Variants in MUC5B observed in about 807,000 individuals in gnomAD.
MUC5B encodes the protein mucin 5B, oligomeric mucus/gel-forming.
Under a neutral mutation model 376.9 loss-of-function variants are expected in MUC5B, and 116 were observed. The observed-to-expected ratio is 0.31, with a 90% CI of 0.26 to 0.36. The LOEUF is 0.36. MUC5B is among the 10% of genes least tolerant of loss of function. The probability of loss-of-function intolerance (pLI) is 1.00; values close to 1 mark genes in which losing one functional copy is unlikely to be tolerated. For missense variants in MUC5B, 7,165 were observed against 7,769.9 expected (o/e 0.92, Z 2.93); for synonymous variants, 3,517 against 3,390.9 (o/e 1.04, Z -1.29).
chr11:1,251,073 T>C lies in MUC5B; in HGVS notation c.14193T>C (p.Thr4731=). The change falls in exon 31 of 49, where the codon ACT becomes ACC. Residue 4731 remains threonine (T), a synonymous_variant. Transcript: ENST00000529681. ...SKATSSSSPR[T]ATTLPVLTST... is the part of the protein sequence containing the mutation. ...CCACTTCCTCCTCCAGTCCAAGGACTGCAACCACCCTTCCAGTGCTGACAA... is the reference window on the plus strand; with the variant it reads ...CCACTTCCTCCTCCAGTCCAAGGACCGCAACCACCCTTCCAGTGCTGACAA... The C allele has an allele frequency of 6.2e-7, 1 of 1,610,940 alleles. No homozygotes were observed. The highest frequency in any genetic ancestry group is 2.2e-5 in the East Asian group (1 of 44,826).
At chr11:1,240,762 T>A in intron 30 of MUC5B, 89 bp from the exon 31 acceptor site, 1 of 1,263,932 alleles carries the variant, frequency 7.9e-7, no homozygotes, top group Non-Finnish European at 1.1e-6. Context: ...GGGCCAGCCC[T>A]GGGGAAAGGG....
rs374601224 is a variant in MUC5B at position 1,226,742 on chromosome 11, C to T, written c.327C>T (p.Ala109=). 2.5e-5 allele frequency: 41 copies of T among 1,612,778 alleles called. No homozygotes were observed. The East Asian group carries it at 4.7e-4, about 18-fold the overall frequency. ...CNYVFSEHCR[A]AYEDFNVQLR... ...ACGTGTTCTCTGAGCACTGCCGCGC[C>T]GCCTACGAGGACTTCAACGTCCAGC... Residue 109 remains alanine, a synonymous_variant, in exon 4 of 49, where the codon GCC becomes GCT. Coordinates refer to ENST00000529681, the MANE Select transcript of MUC5B (RefSeq NM_002458.3).
chr11:1,231,967 C>T (rs773889754), intron 14 of MUC5B, 29 bp from the exon 15 acceptor site: 12 of 1,611,764 alleles, frequency 7.4e-6, no homozygotes, highest in Admixed American at 3.3e-5. Context: ...CAACAGTGGC[C>T]GCTGACATCC....
chr11:1,245,900 G>C lies in MUC5B; in HGVS notation c.9020G>C (p.Gly3007Ala). ...TTAATTTATT[G>A]STAIPSSTPG... ...GCAGCCACTACGACCGCAACCACTG[G>C]ATCCACGGCCATCCCGTCCTCCACC... is the stretch of plus-strand genomic sequence containing the variant. Residue 3007 changes from glycine (G) to alanine (A), a missense_variant, in exon 31 of 49, where the codon GGA becomes GCA. Around this residue, in one of 31 missense-constraint regions of MUC5B, gnomAD observed 939 missense variants for 770.6 expected, o/e 1.22. Coordinates refer to ENST00000529681, the MANE Select transcript of MUC5B (RefSeq NM_002458.3). The C allele has an allele frequency of 6.2e-7, 1 of 1,612,926 alleles. No homozygotes were observed. The highest frequency in any genetic ancestry group is 8.5e-7 in the Non-Finnish European group (1 of 1,179,706).
Position 1,227,705 on chromosome 11 carries a change from A to C in MUC5B, c.698A>C (p.Asn233Thr), listed in dbSNP as rs890662047. The C allele has an allele frequency of 1.4e-6, 1 of 723,810 alleles. No homozygotes were observed. Among genetic ancestry groups the C allele is most frequent in the Admixed American group, 2.0e-5 (1 of 50,834 alleles). The allele number at this position is 723,810 out of a possible 1,614,324, so 44.8% of individuals were successfully genotyped here. ...AGGCTGACCCCGCTCCAGTTTGGGA[A>C]CCTGCAGAAGTTGGATGGGCCCACG... Reference protein sequence around the residue: ...NARLTPLQFGNLQKLDGPTEQ... With the variant: ...NARLTPLQFGTLQKLDGPTEQ... Residue 233 changes from asparagine to threonine, a missense_variant, in exon 7 of 49, where the codon AAC (asparagine) becomes ACC (threonine). Around this residue, in one of 31 missense-constraint regions of MUC5B, gnomAD observed 640 missense variants for 733.0 expected, o/e 0.87. Transcript: ENST00000529681.
At position 1,223,160 on chromosome 11, in the gene MUC5B, G is replaced by T. The variant is rs1263246926; in HGVS notation, c.37G>T (p.Ala13Ser). ...GAGCGCGTGCCGGACGCTGGTGTTG[G>T]CTCTGGCGGCCATGCTCGTGGTGCC... Reference protein sequence around the residue: ...APSACRTLVLALAAMLVVPQA... With the variant: ...APSACRTLVLSLAAMLVVPQA... The change falls in exon 1 of 49, where the codon GCT becomes TCT. Residue 13 changes from alanine (A) to serine (S), a missense_variant. Ala to Ser is a moderately conservative substitution (Grantham distance 99). Around this residue, in one of 31 missense-constraint regions of MUC5B, gnomAD observed 640 missense variants for 733.0 expected, o/e 0.87. Coordinates refer to ENST00000529681, the MANE Select transcript of MUC5B (RefSeq NM_002458.3). 1.4e-6 allele frequency: 1 copy of T among 710,122 alleles called. No homozygotes were observed. 44.0% of individuals were successfully genotyped at this position (710,122 alleles called of 1,614,324 possible).
In MUC5B at chr11:1,229,264, C is replaced by T. The variant is rs759563432; in HGVS notation, c.1071C>T (p.Asp357=). 7.6e-6 allele frequency: 12 copies of T among 1,587,012 alleles called. No homozygotes were observed. Among genetic ancestry groups the T allele is most frequent in the Non-Finnish European group, 1.0e-5 (12 of 1,170,450 alleles). The change falls in exon 9 of 49, where the codon GAC becomes GAT. Residue 357 remains aspartate (D), a synonymous_variant. Transcript: ENST00000529681. ...SNPQRAQLCE[D]HCVDGCFCPP... is the part of the protein sequence containing the mutation. ...CCCAGCGCGCGCAGCTCTGCGAGGA[C>T]CACTGTGTGGACGGCTGCTTCTGCC...
At chr11:1,232,900 GA>G (rs1275841306) in intron 17 of MUC5B, 112 bp from the exon 18 acceptor site, 16 of 1,460,920 alleles carry the variant, frequency 1.1e-5, no homozygotes, top group Non-Finnish European at 1.4e-5. Context: ...AGCCTCGCAA[GA>G]ACCTCATGCC....
chr11:1,257,432 C>G lies in MUC5B; in HGVS notation c.16270-98C>G. ...CTTCCTGCCCCATCACTCTGGGCCACTCGGGTACCAGCCCGAGGGAGGGGG... is the reference window on the plus strand; with the variant it reads ...CTTCCTGCCCCATCACTCTGGGCCAGTCGGGTACCAGCCCGAGGGAGGGGG... On this transcript the variant is annotated intron_variant, in intron 40 of 48. Transcript: ENST00000529681. The surrounding 1 kb of genome is among the most constrained non-coding windows in gnomAD (Gnocchi z 8.9). 1 of 1,457,146 alleles carries G rather than the reference C, an allele frequency of 6.9e-7. No individual in the cohort carries two copies. The highest frequency in any genetic ancestry group is 1.4e-5 in the African/African-American group (1 of 71,762). 90.3% of individuals were successfully genotyped at this position (1,457,146 alleles called of 1,614,324 possible).
Position 1,245,296 on chromosome 11 carries a change from A to C in MUC5B, c.8416A>C (p.Thr2806Pro). The change falls in exon 31 of 49, where the codon ACT (threonine) becomes CCT (proline). Residue 2806 changes from threonine to proline, a missense_variant. Transcript: ENST00000529681. ...AATTGTTQHS[T>P]PALSSPHPSS... ...AACCACCGGTACCACCCAGCACTCGACTCCAGCCCTGTCCAGCCCTCACCC... is the reference window on the plus strand; with the variant it reads ...AACCACCGGTACCACCCAGCACTCGCCTCCAGCCCTGTCCAGCCCTCACCC... The C allele has an allele frequency of 6.3e-7, 1 of 1,587,490 alleles. No individual in the cohort carries two copies.
chr11:1,240,409 C>T (rs1862253922), intron 30 of MUC5B, 34 bp downstream of exon 30: 2 of 1,548,846 alleles, frequency 1.3e-6, no homozygotes, highest in East Asian at 2.3e-5. Context: ...AGGCCCAGTA[C>T]CGTCTGGGTG....
At chr11:1,239,319 G>A in intron 26 of MUC5B, 119 bp from the exon 27 acceptor site, 2 of 1,365,408 alleles carry the variant, frequency 1.5e-6, no homozygotes, top group South Asian at 1.4e-5. Context: ...TGCATGTCTG[G>A]GACAAGCCCG....
Position 1,237,020 on chromosome 11 carries a change from T to C in MUC5B, c.3153T>C (p.Phe1051=). Residue 1051 remains phenylalanine, a synonymous_variant, in exon 25 of 49, where the codon TTT becomes TTC. Transcript: ENST00000529681. ...SRSVVGDALE[F]GNSWKLSPSC... ...CCGTGGTGGGGGACGCACTGGAGTT[T>C]GGGAACAGCTGGAAGCTCTCCCCCT... The C allele has an allele frequency of 6.3e-7, 1 of 1,576,414 alleles. No individual in the cohort carries two copies.
In MUC5B at chr11:1,258,272, G is replaced by T; in HGVS notation, c.16556-58G>T. On this transcript the variant is annotated intron_variant, in intron 42 of 48. Coordinates refer to ENST00000529681, the MANE Select transcript of MUC5B (RefSeq NM_002458.3). This position sits in a 1 kb window ranked among gnomAD's most constrained non-coding sequence, Gnocchi z 5.5. Reference sequence around the variant, plus strand: ...GGGTGGGGGAGTGCAGGATGGTGGGGGCGCTGGAGCACATGCTCCCCACCA... The same window carrying T: ...GGGTGGGGGAGTGCAGGATGGTGGGTGCGCTGGAGCACATGCTCCCCACCA... The T allele has an allele frequency of 6.3e-7, 1 of 1,593,890 alleles. No individual in the cohort carries two copies.
chr11:1,227,092 G>T lies in MUC5B; in HGVS notation c.523G>T (p.Val175Phe), dbSNP rs1330249527. The T allele has an allele frequency of 6.2e-7, 1 of 1,612,456 alleles. No individual in the cohort carries two copies. The highest frequency in any genetic ancestry group is 1.3e-5 in the African/African-American group (1 of 74,938). The change falls in exon 5 of 49, where the codon GTC (valine) becomes TTC (phenylalanine). Residue 175 changes from valine (V) to phenylalanine (F), a missense_variant. Val to Phe is a conservative substitution (Grantham distance 50). Coordinates refer to ENST00000529681, the MANE Select transcript of MUC5B (RefSeq NM_002458.3). ...LVEQSGDYIK[V>F]SIRLVLTFLW... Reference sequence around the variant, plus strand: ...GGAGCAGAGCGGGGACTACATCAAGGTCAGCATCCGGCTGGTGCTGACATT... The same window carrying T: ...GGAGCAGAGCGGGGACTACATCAAGTTCAGCATCCGGCTGGTGCTGACATT...
Position 1,246,839 on chromosome 11 carries a change from C to T in MUC5B, c.9959C>T (p.Pro3320Leu), listed in dbSNP as rs747078338. 4 of 1,610,638 alleles carry T rather than the reference C, an allele frequency of 2.5e-6. No individual in the cohort carries two copies. Among genetic ancestry groups the T allele is most frequent in the East Asian group, 2.2e-5 (1 of 44,856 alleles). Residue 3320 changes from proline (P) to leucine (L), a missense_variant, in exon 31 of 49, where the codon CCC becomes CTC. By Grantham distance (98) the Pro-to-Leu change is moderately conservative (BLOSUM62 -3). Around this residue, in one of 31 missense-constraint regions of MUC5B, gnomAD observed 939 missense variants for 770.6 expected, o/e 1.22. Coordinates refer to ENST00000529681, the MANE Select transcript of MUC5B (RefSeq NM_002458.3). ...TTTTTGFTAT[P>L]SSSPGTALTP... ...ACAACCACGGGCTTCACAGCCACCC[C>T]CTCCTCCAGCCCAGGGACGGCACTC... is the stretch of plus-strand genomic sequence containing the variant.
In MUC5B at chr11:1,238,914, G is replaced by A; in HGVS notation, c.3341G>A (p.Cys1114Tyr). 1 of 1,570,230 alleles carries A rather than the reference G, an allele frequency of 6.4e-7. No homozygotes were observed. Among genetic ancestry groups the A allele is most frequent in the Non-Finnish European group, 8.6e-7 (1 of 1,157,698 alleles). Reference sequence around the variant, plus strand: ...TACGAGGCCTGCGTGAACGACGCGTGTGCCTGCGACTCGGGTGGCGACTGC... The same window carrying A: ...TACGAGGCCTGCGTGAACGACGCGTATGCCTGCGACTCGGGTGGCGACTGC... ...KYYEACVNDACACDSGGDCEC... is the reference protein window; with the variant it reads ...KYYEACVNDAYACDSGGDCEC... The change falls in exon 26 of 49, where the codon TGT becomes TAT. Residue 1114 changes from cysteine to tyrosine, a missense_variant. Around this residue, in one of 31 missense-constraint regions of MUC5B, gnomAD observed 143 missense variants for 193.2 expected, o/e 0.74. Transcript: ENST00000529681.
Position 1,259,995 on chromosome 11 carries a change from C to T in MUC5B, c.16833C>T (p.Asp5611=), listed in dbSNP as rs1862954783. The change falls in exon 46 of 49, where the codon GAC becomes GAT. Residue 5611 remains aspartate (D), a synonymous_variant. Transcript: ENST00000529681. Reference sequence around the variant, plus strand: ...AAACCTGGGTCAACAGCCATGTGGACAACTGCACCGTGTACCTCTGTGAGG... The same window carrying T: ...AAACCTGGGTCAACAGCCATGTGGATAACTGCACCGTGTACCTCTGTGAGG... The part of the protein sequence containing the change: ...LNETWVNSHV[D]NCTVYLCEAE... 1.2e-6 allele frequency: 2 copies of T among 1,612,976 alleles called. No homozygotes were observed. Among genetic ancestry groups the T allele is most frequent in the Non-Finnish European group, 1.7e-6 (2 of 1,179,768 alleles).
chr11:1,236,068 CAG>C (rs1862150111), intron 23 of MUC5B, among the ~76,000 whole-genome samples: 1 of 152,178 alleles, frequency 6.6e-6, no homozygotes, highest in South Asian at 2.1e-4. Flanking sequence ...CGCAGCGGGT[CAG>C]GGGAGGCTGG....
Sources: allele counts gnomAD v4.1 joint callset (sites outside exome capture counted in the v4.1 genomes callset), GRCh38; gene constraint gnomAD v4.1.1; regional missense constraint gnomAD v4.1.1; non-coding constraint Gnocchi (gnomAD v3.1); transcripts MANE v1.5; gene names NCBI Gene and HGNC (gene_info 2026-07-23, HGNC 2026-07-21).